Variants in C12orf42 observed in about 807,000 individuals in gnomAD.
C12orf42 encodes chromosome 12 open reading frame 42, also known as uncharacterized protein C12orf42.
C12orf42 carries 25 observed loss-of-function variants against 21.6 expected under a neutral mutation model. That is an observed-to-expected ratio of 1.16 (90% CI 0.84 to 1.62). The LOEUF is 1.62. Among genes scored for constraint, C12orf42 ranks in the 40% most tolerant of loss-of-function variants. The pLI is 0.00. For missense variants in C12orf42, 483 were observed against 459.3 expected (o/e 1.05, Z -0.47); for synonymous variants, 174 against 175.0 (o/e 0.99, Z 0.05).
chr12:103,474,535 A>C (rs1953897508), intron 2 of C12orf42, among the ~76,000 whole-genome samples: 1 of 152,010 alleles, frequency 6.6e-6, no homozygotes, highest in Non-Finnish European at 1.5e-5. Flanking sequence ...CATGTGGAAC[A>C]CTTTGGAGTC....
chr12:103,212,796 T>C, the C12orf42 span, among the ~76,000 whole-genome samples: 81,367 of 151,756 alleles, frequency 0.54, 22,021 homozygotes, highest in East Asian at 0.66. Flanking sequence ...TCCTTACTAC[T>C]TATCCAATTT....
At chr12:103,100,883 G>T in the C12orf42 span, among the ~76,000 whole-genome samples, 1 of 152,152 alleles carries the variant, frequency 6.6e-6, no homozygotes. Context: ...AGGCAAAGAG[G>T]TTTTTGGATG....
chr12:103,418,782 T>A (rs1012824222), intron 2 of C12orf42, among the ~76,000 whole-genome samples: 2 of 152,126 alleles, frequency 1.3e-5, no homozygotes, highest in Non-Finnish European at 2.9e-5. Context: ...AAAAAAATGC[T>A]TTTAAAACTA....
the C12orf42 span, among the ~76,000 whole-genome samples, chr12:103,158,513 ACTTAGATAGAG>A: frequency 6.6e-6 from 1 of 152,148 alleles, no homozygotes; most frequent in African/African-American, 2.4e-5. Flanking sequence ...CCTCCTAAGT[ACTTAGATAGAG>A]CTTGAAGCAC....
At chr12:103,521,834 G>A in the C12orf42 span, among the ~76,000 whole-genome samples, 6,392 of 152,254 alleles carry the variant, frequency 0.042, 162 homozygotes, top group East Asian at 0.079. Context: ...GCCCCAACCA[G>A]TTGCAGTTTG....
intron 3 of C12orf42, among the ~76,000 whole-genome samples, chr12:103,399,403 C>G (rs2138646335): frequency 6.6e-6 from 1 of 151,704 alleles, no homozygotes; most frequent in South Asian, 2.1e-4. Context: ...GAGTCTCACT[C>G]TGTCGCCCAG....
the C12orf42 span, among the ~76,000 whole-genome samples, chr12:103,142,828 T>C: frequency 1.3e-5 from 2 of 152,168 alleles, no homozygotes; most frequent in African/African-American, 4.8e-5. Flanking sequence ...CAGTAATAAC[T>C]AACAGTAAAA....
At chr12:103,412,560 T>TC (rs1471960290) in intron 2 of C12orf42, among the ~76,000 whole-genome samples, 1 of 152,170 alleles carries the variant, frequency 6.6e-6, no homozygotes, top group Non-Finnish European at 1.5e-5. Flanking sequence ...TCCCAGCTAC[T>TC]CAAGAAGCTG....
the C12orf42 span, among the ~76,000 whole-genome samples, chr12:103,530,788 A>G: frequency 1.3e-5 from 2 of 152,154 alleles, no homozygotes; most frequent in Admixed American, 6.5e-5. Flanking sequence ...CTCTATTTTC[A>G]GACCCCATCT....
chr12:103,282,313 T>C (rs994154381), intron 4 of C12orf42, among the ~76,000 whole-genome samples: 1 of 152,334 alleles, frequency 6.6e-6, no homozygotes, highest in East Asian at 1.9e-4. Context: ...ATGCCAAGAA[T>C]ATAGTCATGT....
At chr12:103,331,136 C>G (rs2041208074) in intron 4 of C12orf42, among the ~76,000 whole-genome samples, 1 of 152,184 alleles carries the variant, frequency 6.6e-6, no homozygotes, top group South Asian at 2.1e-4. Context: ...TTTAATATAT[C>G]TAACTTACTG....
the C12orf42 span, among the ~76,000 whole-genome samples, chr12:103,062,127 A>G: frequency 2.6e-5 from 4 of 151,788 alleles, no homozygotes; most frequent in African/African-American, 7.2e-5. Flanking sequence ...CCATTAGCCA[A>G]TCTCAGATTT....
chr12:103,052,053 T>C, the C12orf42 span, among the ~76,000 whole-genome samples: 1 of 152,240 alleles, frequency 6.6e-6, no homozygotes, highest in East Asian at 1.9e-4. Flanking sequence ...TTTATTTCTT[T>C]GCTGTCTAAT....
chr12:103,188,097 C>A, the C12orf42 span, among the ~76,000 whole-genome samples: 1 of 152,080 alleles, frequency 6.6e-6, no homozygotes, highest in Non-Finnish European at 1.5e-5. Context: ...CAGAGCTGGG[C>A]TCTGTGTGGC....
intron 4 of C12orf42, among the ~76,000 whole-genome samples, chr12:103,345,719 C>T (rs533207069): frequency 1.3e-5 from 2 of 152,114 alleles, no homozygotes; most frequent in South Asian, 4.2e-4. Flanking sequence ...AAATGTCCCA[C>T]AAGGGATAAA....
the C12orf42 span, among the ~76,000 whole-genome samples, chr12:103,103,524 T>A: frequency 6.6e-6 from 1 of 152,222 alleles, no homozygotes; most frequent in East Asian, 1.9e-4. Context: ...AGGATCTATT[T>A]GAACTTGAAA....
At chr12:103,291,127 T>A (rs2036791087) in intron 4 of C12orf42, among the ~76,000 whole-genome samples, 1 of 152,212 alleles carries the variant, frequency 6.6e-6, no homozygotes, top group Admixed American at 6.6e-5. Flanking sequence ...GTGCAATTTC[T>A]TAGATATCCT....
At chr12:103,428,873 G>C (rs1424583686) in intron 2 of C12orf42, among the ~76,000 whole-genome samples, 1 of 147,028 alleles carries the variant, frequency 6.8e-6, no homozygotes, top group Non-Finnish European at 1.5e-5. Context: ...AAAACCACAT[G>C]ATGATTTCAA....
chr12:103,374,882 T>G (rs10507163), intron 3 of C12orf42, among the ~76,000 whole-genome samples: 23,945 of 152,178 alleles, frequency 0.16, 2,646 homozygotes, highest in African/African-American at 0.32. Context: ...AAGATGATTC[T>G]GATAAGGACA....
Sources: gnomAD v4.1 joint callset for allele counts (sites outside exome capture counted in the v4.1 genomes callset) on GRCh38, gnomAD v4.1.1 for gene constraint, MANE v1.5 for transcripts, NCBI Gene and HGNC (gene_info 2026-07-23, HGNC 2026-07-21) for gene names.